Variants in NCOA5 observed in about 807,000 individuals in gnomAD.
The protein encoded by NCOA5 is nuclear receptor coactivator 5, also known as NCoA-5.
Under a neutral mutation model 59.0 loss-of-function variants are expected in NCOA5, and 12 were observed. The ratio of observed to expected loss-of-function variants is 0.20; its 90% CI spans 0.13 to 0.33. The LOEUF is 0.33. Ranked by LOEUF, NCOA5 falls within the 10% of genes least tolerant of loss-of-function variation. The pLI is 1.00. For missense variants in NCOA5, 655 were observed against 766.6 expected (o/e 0.85, Z 1.72); for synonymous variants, 270 against 275.5 (o/e 0.98, Z 0.20).
intron 1 of NCOA5, among the ~76,000 whole-genome samples, chr20:46,085,069 T>G (rs773640963): frequency 7.2e-5 from 11 of 152,230 alleles, no homozygotes; most frequent in Non-Finnish European, 1.6e-4. Context: ...TCAGCTCTGT[T>G]GTCCAGGCTG....
chr20:46,063,797 A>C, intron 6 of NCOA5, 117 bp from the exon 7 acceptor site: 1 of 1,091,448 alleles, frequency 9.2e-7, no homozygotes, highest in Non-Finnish European at 1.3e-6. Flanking sequence ...TTTGGTGACA[A>C]AAAGCCTTGA....
chr20:46,083,536 CTG>C (rs910687380), intron 1 of NCOA5, among the ~76,000 whole-genome samples: 1 of 151,982 alleles, frequency 6.6e-6, no homozygotes, highest in Non-Finnish European at 1.5e-5. Context: ...ACTAAGTGTG[CTG>C]TAATTTTGTC....
intron 2 of NCOA5, among the ~76,000 whole-genome samples, chr20:46,075,349 T>C (rs143247367): frequency 1.4e-4 from 22 of 152,306 alleles, no homozygotes; most frequent in Admixed American, 2.6e-4. Context: ...TGGAATTTCT[T>C]TGTGGCCCAC....
intron 1 of NCOA5, among the ~76,000 whole-genome samples, chr20:46,087,751 C>A (rs1442675447): frequency 6.6e-6 from 1 of 152,146 alleles, no homozygotes. Flanking sequence ...TCAGAAAAAA[C>A]AAAAACAAAA....
chr20:46,063,196 AT>A, intron 7 of NCOA5, 163 bp downstream of exon 7: 1 of 673,594 alleles, frequency 1.5e-6, no homozygotes. Flanking sequence ...TAAAGTTATT[AT>A]TAACATTATA....
chr20:46,067,198 G>A lies in NCOA5; in HGVS notation c.503-17C>T. 6.2e-7 allele frequency: 1 copy of A among 1,609,068 alleles called. No individual in the cohort carries two copies. Reference sequence around the variant, plus strand: ...TCAAACGCTCTGCAAAACACCACCAGGGTAAACTGAAATAAGGACTGGACC... The same window carrying A: ...TCAAACGCTCTGCAAAACACCACCAAGGTAAACTGAAATAAGGACTGGACC... On this transcript the variant is annotated splice_polypyrimidine_tract_variant and intron_variant, in intron 4 of 7. Transcript: ENST00000290231.
chr20:46,088,665 T>C (rs1479227976), intron 1 of NCOA5, among the ~76,000 whole-genome samples: 1 of 152,238 alleles, frequency 6.6e-6, no homozygotes, highest in Admixed American at 6.5e-5. Context: ...TGCAGTTCCC[T>C]GGGACTAACA....
intron 5 of NCOA5, 63 bp from the exon 6 acceptor site, chr20:46,065,291 C>T: frequency 1.6e-5 from 24 of 1,535,844 alleles, no homozygotes; most frequent in Non-Finnish European, 2.2e-5. Context: ...GTGTCTCAAG[C>T]CAGTTGTGTG....
intron 6 of NCOA5, among the ~76,000 whole-genome samples, chr20:46,064,754 A>G (rs2084802664): frequency 6.6e-6 from 1 of 152,194 alleles, no homozygotes; most frequent in Non-Finnish European, 1.5e-5. Context: ...CAAATGCTAT[A>G]AACGCCCTCC....
chr20:46,073,969 C>T (rs1047914258), intron 2 of NCOA5, among the ~76,000 whole-genome samples: 2 of 152,072 alleles, frequency 1.3e-5, no homozygotes, highest in Non-Finnish European at 2.9e-5. Flanking sequence ...CAAGTGCCTT[C>T]AGGGTAAAAA....
At chr20:46,071,834 T>C (rs1160118827) in intron 2 of NCOA5, among the ~76,000 whole-genome samples, 2 of 152,236 alleles carry the variant, frequency 1.3e-5, no homozygotes, top group Non-Finnish European at 2.9e-5. Context: ...ACTGCTGATC[T>C]CTTCTGCTCA....
intron 1 of NCOA5, among the ~76,000 whole-genome samples, chr20:46,088,141 C>T (rs1013919509): frequency 1.3e-5 from 2 of 152,192 alleles, no homozygotes; most frequent in Non-Finnish European, 2.9e-5. Flanking sequence ...ACACTATTAA[C>T]TTACAAGTAA....
chr20:46,070,404 G>C lies in NCOA5; in HGVS notation c.171C>G (p.Pro57=), dbSNP rs1219416414. The C allele has an allele frequency of 6.2e-7, 1 of 1,613,960 alleles. No homozygotes were observed. ...TATGTCTGTGGTCCCGCAAGTCTCGGGGGTCTCGAATGTCTCTGCTGTCCC... is the reference window on the plus strand; with the variant it reads ...TATGTCTGTGGTCCCGCAAGTCTCGCGGGTCTCGAATGTCTCTGCTGTCCC... ...DARDSRDIRD[P]RDLRDHRHSR... Residue 57 remains proline, a synonymous_variant, in exon 3 of 8, where the codon CCC becomes CCG. Coordinates refer to ENST00000290231, the MANE Select transcript of NCOA5 (RefSeq NM_020967.3).
At chr20:46,073,393 C>T (rs1009114458) in intron 2 of NCOA5, among the ~76,000 whole-genome samples, 2 of 152,184 alleles carry the variant, frequency 1.3e-5, no homozygotes, top group African/African-American at 4.8e-5. Flanking sequence ...AATAGCTAAG[C>T]ATTATTTTTC....
At chr20:46,079,691 T>TTAAAC (rs1184426507) in intron 1 of NCOA5, among the ~76,000 whole-genome samples, 1 of 152,232 alleles carries the variant, frequency 6.6e-6, no homozygotes, top group Non-Finnish European at 1.5e-5. Flanking sequence ...GTAATTTGTC[T>TTAAAC]TAAACTAATT....
In NCOA5 at chr20:46,067,142, T is replaced by C. The variant is rs1311963651; in HGVS notation, c.542A>G (p.Tyr181Cys). 6.2e-7 allele frequency: 1 copy of C among 1,614,192 alleles called. No individual in the cohort carries two copies. The change falls in exon 5 of 8, where the codon TAT (tyrosine) becomes TGT (cysteine). Residue 181 changes from tyrosine (Y) to cysteine (C), a missense_variant. By Grantham distance (194) the Tyr-to-Cys change is radical. Transcript: ENST00000290231. ...CTGGATTTCCTCAAAATATTGACGA[T>C]AAAGCTCTTCTCTACGCCGTTCCTC... ...KREERRREEL[Y>C]RQYFEEIQRR...
intron 1 of NCOA5, among the ~76,000 whole-genome samples, chr20:46,084,496 T>G (rs1046162801): frequency 6.6e-6 from 1 of 152,226 alleles, no homozygotes; most frequent in Non-Finnish European, 1.5e-5. Context: ...CAGTTTCTAT[T>G]ACCTCAAACT....
intron 2 of NCOA5, among the ~76,000 whole-genome samples, chr20:46,072,649 G>A (rs958485563): frequency 1.4e-4 from 22 of 152,236 alleles, no homozygotes; most frequent in African/African-American, 5.1e-4. Context: ...CCTAGCCAAC[G>A]TCTTTCCTGA....
intron 7 of NCOA5, 117 bp downstream of exon 7, chr20:46,063,243 G>A: frequency 9.9e-7 from 1 of 1,009,480 alleles, no homozygotes; most frequent in South Asian, 1.7e-5. Flanking sequence ...CCCAAGGGAT[G>A]GACTTAGTTC....
Sources: allele counts gnomAD v4.1 joint callset (sites outside exome capture counted in the v4.1 genomes callset), GRCh38; gene constraint gnomAD v4.1.1; transcripts MANE v1.5; gene names NCBI Gene and HGNC (gene_info 2026-07-23, HGNC 2026-07-21).